PXDNL: variants seen among roughly 807,000 people sequenced by gnomAD.
PXDNL encodes the protein peroxidasin like.
PXDNL carries 145 observed loss-of-function variants against 150.8 expected under a neutral mutation model. The observed-to-expected ratio is 0.96, with a 90% CI of 0.84 to 1.10. The LOEUF (loss-of-function observed/expected upper bound fraction) is 1.10. PXDNL is among the 50% of genes least tolerant of loss of function. The pLI is 0.00. For missense variants in PXDNL, 2,087 were observed against 1,873.9 expected (o/e 1.11, Z -2.10); for synonymous variants, 757 against 725.7 (o/e 1.04, Z -0.69).
intron 1 of PXDNL, among the ~76,000 whole-genome samples, chr8:51,762,482 C>G (rs995964194): frequency 6.6e-6 from 1 of 152,186 alleles, no homozygotes; most frequent in African/African-American, 2.4e-5. Context: ...TATCTGAGAG[C>G]TTCCTCTGCA....
chr8:51,516,697 C>A (rs1811548894), intron 4 of PXDNL, among the ~76,000 whole-genome samples: 1 of 152,174 alleles, frequency 6.6e-6, no homozygotes, highest in Non-Finnish European at 1.5e-5. Flanking sequence ...GTCACACAGT[C>A]CTTTCTGTTC....
intron 2 of PXDNL, among the ~76,000 whole-genome samples, chr8:51,600,802 T>A: frequency 7.3e-6 from 1 of 136,734 alleles, no homozygotes; most frequent in East Asian, 2.0e-4. Flanking sequence ...GATAATAAAT[T>A]ATATCTTATA....
intron 17 of PXDNL, among the ~76,000 whole-genome samples, chr8:51,380,725 T>G (rs1807505193): frequency 6.6e-6 from 1 of 152,210 alleles, no homozygotes; most frequent in Non-Finnish European, 1.5e-5. Flanking sequence ...TCTATTCATG[T>G]TTTTAAATGG....
intron 4 of PXDNL, among the ~76,000 whole-genome samples, chr8:51,513,974 T>G (rs1282202508): frequency 1.3e-5 from 2 of 152,254 alleles, no homozygotes; most frequent in African/African-American, 4.8e-5. Flanking sequence ...TTCTCCTCTA[T>G]TTCCATAACA....
At chr8:51,620,913 C>T (rs1814237731) in intron 2 of PXDNL, among the ~76,000 whole-genome samples, 1 of 152,116 alleles carries the variant, frequency 6.6e-6, no homozygotes, top group Admixed American at 6.5e-5. Flanking sequence ...TGTGCACTTC[C>T]TCAGGACAAT....
rs747877258 is a variant in PXDNL at position 51,409,531 on chromosome 8, C to A, written c.2093G>T (p.Arg698Leu). 1.3e-6 allele frequency: 2 copies of A among 1,599,348 alleles called. No homozygotes were observed. The highest frequency in any genetic ancestry group is 1.7e-6 in the Non-Finnish European group (2 of 1,172,800). Residue 698 changes from arginine to leucine, a missense_variant, in exon 17 of 23, where the codon CGC becomes CTC. Physicochemically the swap from Arg to Leu is moderately radical, Grantham distance 102. Transcript: ENST00000356297. The part of the protein sequence containing the change: ...EFRYNDLVSP[R>L]SLSLIANLSG... ...TAAATTGGCGATGAGGCTGAGGGAG[C>A]GCGGGGACACCAAGTCATTGTACCG...
intron 1 of PXDNL, among the ~76,000 whole-genome samples, chr8:51,711,583 C>T (rs185388019): frequency 1.0e-3 from 158 of 152,292 alleles, no homozygotes; most frequent in African/African-American, 3.7e-3. Context: ...AGAAATAATA[C>T]ATGGTTGGGA....
intron 17 of PXDNL, among the ~76,000 whole-genome samples, chr8:51,395,186 A>C (rs537625011): frequency 4.2e-4 from 64 of 152,332 alleles, no homozygotes; most frequent in African/African-American, 1.5e-3. Context: ...ACAAGTGTGC[A>C]TAAAGTGTGT....
At chr8:51,482,912 T>C (rs1810635196) in intron 6 of PXDNL, among the ~76,000 whole-genome samples, 2 of 152,184 alleles carry the variant, frequency 1.3e-5, no homozygotes, top group African/African-American at 4.8e-5. Flanking sequence ...CCATGATGGA[T>C]ACACCTGTGT....
chr8:51,559,038 G>A (rs942705282), intron 3 of PXDNL, among the ~76,000 whole-genome samples: 38 of 151,978 alleles, frequency 2.5e-4, no homozygotes, highest in Admixed American at 1.4e-3. Context: ...GGAATAAGGG[G>A]GATATTATTT....
chr8:51,435,668 G>A (rs916151768), intron 12 of PXDNL: 32 of 227,808 alleles, frequency 1.4e-4, no homozygotes, highest in Admixed American at 2.9e-4. Context: ...AGAAAGAAGC[G>A]AAAAAGAGGC....
chr8:51,439,772 C>A (rs1356339546), intron 12 of PXDNL, among the ~76,000 whole-genome samples: 2 of 147,994 alleles, frequency 1.4e-5, no homozygotes, highest in African/African-American at 5.0e-5. Context: ...TTGCAGTAAG[C>A]CAAGATCGCA....
intron 1 of PXDNL, among the ~76,000 whole-genome samples, chr8:51,674,935 C>T (rs1815578686): frequency 6.6e-6 from 1 of 152,196 alleles, no homozygotes. Flanking sequence ...ATTATTTCCC[C>T]TGGACTTAGA....
At chr8:51,611,726 A>C (rs1814006539) in intron 2 of PXDNL, among the ~76,000 whole-genome samples, 1 of 152,190 alleles carries the variant, frequency 6.6e-6, no homozygotes, top group Non-Finnish European at 1.5e-5. Context: ...GGGAGGGGTG[A>C]GTCCAGAGAT....
At chr8:51,646,383 G>A (rs6473632) in intron 2 of PXDNL, among the ~76,000 whole-genome samples, 18,515 of 151,610 alleles carry the variant, frequency 0.12, 1,923 homozygotes, top group African/African-American at 0.27. Flanking sequence ...AAGCCACCTG[G>A]TCTGTGGCAT....
intron 1 of PXDNL, among the ~76,000 whole-genome samples, chr8:51,699,637 A>T (rs977062819): frequency 6.6e-6 from 1 of 152,242 alleles, no homozygotes; most frequent in African/African-American, 2.4e-5. Flanking sequence ...CTTTCAGCCT[A>T]TCTCAGCTTT....
At chr8:51,465,939 A>G (rs1293546324) in intron 8 of PXDNL, among the ~76,000 whole-genome samples, 1 of 152,190 alleles carries the variant, frequency 6.6e-6, no homozygotes, top group Non-Finnish European at 1.5e-5. Context: ...CATAAATTGG[A>G]AGAATCAATA....
At chr8:51,435,133 C>T (rs1439459576) in intron 12 of PXDNL, among the ~76,000 whole-genome samples, 1 of 152,012 alleles carries the variant, frequency 6.6e-6, no homozygotes, top group East Asian at 1.9e-4. Context: ...TCCTGGCTAA[C>T]ATGGTGAAAC....
intron 1 of PXDNL, among the ~76,000 whole-genome samples, chr8:51,733,859 T>C (rs1202064713): frequency 3.4e-5 from 5 of 147,332 alleles, no homozygotes; most frequent in Non-Finnish European, 7.4e-5. Context: ...ATATATATGA[T>C]ATATGATATA....
Sources: gnomAD v4.1 joint callset for allele counts (sites outside exome capture counted in the v4.1 genomes callset) on GRCh38, gnomAD v4.1.1 for gene constraint, MANE v1.5 for transcripts, NCBI Gene and HGNC (gene_info 2026-07-23, HGNC 2026-07-21) for gene names.